ZCCHC7: variants seen among roughly 807,000 people sequenced by gnomAD.
The protein encoded by ZCCHC7 is zinc finger CCHC-type containing 7, also known as zinc finger CCHC domain-containing protein 7.
ZCCHC7 carries 35 observed loss-of-function variants against 52.0 expected under a neutral mutation model. The ratio of observed to expected loss-of-function variants is 0.67; its 90% CI spans 0.51 to 0.89. The LOEUF is 0.89. Among genes scored for constraint, ZCCHC7 ranks in the 40% least tolerant of loss-of-function variants. The pLI is 0.00. For synonymous variants in ZCCHC7, 217 were observed against 221.5 expected (o/e 0.98, Z 0.18); for missense variants, 574 against 649.1 (o/e 0.88, Z 1.26).
chr9:37,282,963 G>A (rs1828042046), intron 2 of ZCCHC7, among the ~76,000 whole-genome samples: 1 of 150,414 alleles, frequency 6.6e-6, no homozygotes, highest in East Asian at 1.9e-4. Context: ...ATGGAGATGT[G>A]GGGTGGGGTG....
At chr9:37,234,115 C>T (rs1305993892) in intron 2 of ZCCHC7, among the ~76,000 whole-genome samples, 5 of 151,930 alleles carry the variant, frequency 3.3e-5, no homozygotes, top group African/African-American at 7.3e-5. Context: ...GTGATCCACC[C>T]GCCTTGGCCT....
chr9:37,306,096 C>G (rs1829289747), intron 5 of ZCCHC7, among the ~76,000 whole-genome samples: 1 of 150,792 alleles, frequency 6.6e-6, no homozygotes, highest in South Asian at 2.1e-4. Context: ...GAGACATAGT[C>G]TCACTCTGTC....
chr9:37,339,612 A>C (rs1830831069), intron 6 of ZCCHC7, among the ~76,000 whole-genome samples: 1 of 152,234 alleles, frequency 6.6e-6, no homozygotes, highest in Non-Finnish European at 1.5e-5. Flanking sequence ...TGATTTAGTC[A>C]GTAAGATTGG....
chr9:37,340,626 T>G (rs1232905167), intron 6 of ZCCHC7, among the ~76,000 whole-genome samples: 4 of 152,178 alleles, frequency 2.6e-5, no homozygotes, highest in Non-Finnish European at 5.9e-5. Context: ...ATTGGACCTT[T>G]ACTGTTAATT....
intron 5 of ZCCHC7, among the ~76,000 whole-genome samples, chr9:37,306,261 G>T (rs1163816193): frequency 6.6e-6 from 1 of 151,218 alleles, no homozygotes; most frequent in Non-Finnish European, 1.5e-5. Context: ...AGAGACGGGG[G>T]TTTCACCATG....
At chr9:37,174,863 A>T (rs750175842) in intron 2 of ZCCHC7, among the ~76,000 whole-genome samples, 1 of 152,138 alleles carries the variant, frequency 6.6e-6, no homozygotes, top group Non-Finnish European at 1.5e-5. Flanking sequence ...CTGGCCGGGC[A>T]TGGTGGCACA....
At chr9:37,128,261 T>C (rs888258162) in intron 2 of ZCCHC7, among the ~76,000 whole-genome samples, 1 of 152,120 alleles carries the variant, frequency 6.6e-6, no homozygotes, top group Non-Finnish European at 1.5e-5. Flanking sequence ...TCATCAAATA[T>C]TTGTAGAGGT....
At chr9:37,173,326 A>G (rs569629204) in intron 2 of ZCCHC7, among the ~76,000 whole-genome samples, 5 of 152,350 alleles carry the variant, frequency 3.3e-5, no homozygotes. Flanking sequence ...TGAAGTTTCC[A>G]TTAACCAGAA....
At position 37,126,696 on chromosome 9, in the gene ZCCHC7, T is replaced by C; in HGVS notation, c.364T>C (p.Ser122Pro). The C allele has an allele frequency of 6.2e-7, 1 of 1,614,138 alleles. No individual in the cohort carries two copies. The highest frequency in any genetic ancestry group is 8.5e-7 in the Non-Finnish European group (1 of 1,180,022). The change falls in exon 2 of 9, where the codon TCT (serine) becomes CCT (proline). Residue 122 changes from serine to proline, a missense_variant. Ser to Pro is a moderately conservative substitution (Grantham distance 74). Transcript: ENST00000336755. ...AGAAAATGCCCATGGTCTTTCTTCT[T>C]CTCTTCAATCTAATGAGCTGGTTGA... is the stretch of plus-strand genomic sequence containing the variant. ...AQENAHGLSS[S>P]LQSNELVDKK...
At chr9:37,168,134 T>A (rs1821529310) in intron 2 of ZCCHC7, among the ~76,000 whole-genome samples, 4 of 152,230 alleles carry the variant, frequency 2.6e-5, no homozygotes, top group African/African-American at 9.6e-5. Context: ...GGGTTCTTGC[T>A]GTCTGTTCTG....
chr9:37,168,604 A>T (rs2132960839), intron 2 of ZCCHC7, among the ~76,000 whole-genome samples: 1 of 152,292 alleles, frequency 6.6e-6, no homozygotes, highest in East Asian at 1.9e-4. Context: ...AATTATGTAA[A>T]CAAAGTACCC....
intron 2 of ZCCHC7, among the ~76,000 whole-genome samples, chr9:37,258,811 A>G (rs1826723637): frequency 6.6e-6 from 1 of 151,110 alleles, no homozygotes; most frequent in South Asian, 2.1e-4. Flanking sequence ...TTAATTGTCA[A>G]TATTTTAGTA....
intron 2 of ZCCHC7, among the ~76,000 whole-genome samples, chr9:37,277,108 T>A (rs1198460632): frequency 6.6e-6 from 1 of 152,202 alleles, no homozygotes; most frequent in Admixed American, 6.5e-5. Flanking sequence ...ATAGACTCAT[T>A]CTTTGTGTGA....
chr9:37,327,964 G>A (rs1830317741), intron 6 of ZCCHC7, 130 bp downstream of exon 6: 1 of 950,574 alleles, frequency 1.1e-6, no homozygotes, highest in African/African-American at 1.7e-5. Flanking sequence ...TTTTTGTACG[G>A]AGAAAGCAAT....
intron 2 of ZCCHC7, among the ~76,000 whole-genome samples, chr9:37,188,124 A>G (rs920336802): frequency 9.2e-5 from 14 of 151,992 alleles, no homozygotes; most frequent in African/African-American, 3.4e-4. Context: ...ATTGTCCTGT[A>G]AGTCCTTGAG....
intron 2 of ZCCHC7, among the ~76,000 whole-genome samples, chr9:37,261,081 C>T (rs1000139970): frequency 3.9e-5 from 6 of 152,096 alleles, no homozygotes; most frequent in South Asian, 2.1e-4. Context: ...TTATCAATGC[C>T]GATAACCAGA....
At chr9:37,292,718 A>C (rs983073400) in intron 2 of ZCCHC7, among the ~76,000 whole-genome samples, 1 of 152,204 alleles carries the variant, frequency 6.6e-6, no homozygotes, top group African/African-American at 2.4e-5. Flanking sequence ...TGGCATAAGG[A>C]GGAGAGAACT....
intron 2 of ZCCHC7, among the ~76,000 whole-genome samples, chr9:37,254,161 C>T (rs1299534443): frequency 1.3e-5 from 2 of 151,968 alleles, no homozygotes; most frequent in Admixed American, 1.3e-4. Flanking sequence ...AGAATAATCA[C>T]AATTTATTTG....
intron 2 of ZCCHC7, among the ~76,000 whole-genome samples, chr9:37,170,265 C>T (rs1310646338): frequency 6.6e-6 from 1 of 151,982 alleles, no homozygotes; most frequent in East Asian, 1.9e-4. Flanking sequence ...TATTTGGTGC[C>T]ATAGACATAT....
Sources: gnomAD v4.1 joint callset for allele counts (sites outside exome capture counted in the v4.1 genomes callset) on GRCh38, gnomAD v4.1.1 for gene constraint, MANE v1.5 for transcripts, NCBI Gene and HGNC (gene_info 2026-07-23, HGNC 2026-07-21) for gene names.